Variants in ZNF174 observed in about 807,000 individuals in gnomAD.
ZNF174 encodes zinc finger protein 174.
Under a neutral mutation model 38.7 loss-of-function variants are expected in ZNF174, and 30 were observed. That is an observed-to-expected ratio of 0.78 (90% CI 0.58 to 1.05). The LOEUF (loss-of-function observed/expected upper bound fraction) is 1.05. ZNF174 is among the 50% of genes least tolerant of loss of function. The pLI is 0.00. For missense variants in ZNF174, 499 were observed against 495.6 expected, an observed-to-expected ratio of 1.01 and a Z score of -0.06; for synonymous variants, 201 against 181.7, an observed-to-expected ratio of 1.11 and a Z score of -0.86.
intron 2 of ZNF174, chr16:3,404,957 C>T (rs1439925569): frequency 6.2e-7 from 1 of 1,614,200 alleles, no homozygotes; most frequent in Admixed American, 1.7e-5. Flanking sequence ...GATGAACTTC[C>T]ATGCAAGCTA....
In ZNF174 at chr16:3,408,518, C is replaced by T; in HGVS notation, c.823C>T (p.His275Tyr). 1 of 1,614,166 alleles carries T rather than the reference C, an allele frequency of 6.2e-7. No individual in the cohort carries two copies. Among genetic ancestry groups the T allele is most frequent in the South Asian group, 1.1e-5 (1 of 91,078 alleles). ...SSPNAQKPFA[H>Y]YQRHCRVEYI... ...CCCAAATGCTCAAAAGCCATTTGCT[C>T]ACTACCAGAGACATTGCAGGGTGGA... The change falls in exon 3 of 3, where the codon CAC becomes TAC. Residue 275 changes from histidine (H) to tyrosine (Y), a missense_variant. Physicochemically the swap from His to Tyr is moderately conservative, Grantham distance 83 (BLOSUM62 2). Coordinates refer to ENST00000268655, the MANE Select transcript of ZNF174 (RefSeq NM_003450.3).
chr16:3,401,975 C>T lies in ZNF174; in HGVS notation c.-30C>T, dbSNP rs754780331. ...TGATCCCAAAGGCTTAACCCGTTTA[C>T]AAGGAGAGAGTTGTCTCCTGACGCC... On this transcript the variant is annotated 5_prime_UTR_variant, in exon 1 of 3. Coordinates refer to ENST00000268655, the MANE Select transcript of ZNF174 (RefSeq NM_003450.3). 6.2e-7 allele frequency: 1 copy of T among 1,603,940 alleles called. No individual in the cohort carries two copies. The highest frequency in any genetic ancestry group is 8.5e-7 in the Non-Finnish European group (1 of 1,177,796).
chr16:3,408,703 G>T lies in ZNF174; in HGVS notation c.1008G>T (p.Thr336=). 1 of 1,614,084 alleles carries T rather than the reference G, an allele frequency of 6.2e-7. No homozygotes were observed. Among genetic ancestry groups the T allele is most frequent in the Non-Finnish European group, 8.5e-7 (1 of 1,180,022 alleles). Reference sequence around the variant, plus strand: ...GTGATGACTGTGGGAAAAGCTTCACGTGGAATTCAGAGCTGAAGAGACACA... The same window carrying T: ...GTGATGACTGTGGGAAAAGCTTCACTTGGAATTCAGAGCTGAAGAGACACA... ...YKCDDCGKSF[T]WNSELKRHKR... is the part of the protein sequence containing the mutation. The change falls in exon 3 of 3, where the codon ACG becomes ACT. Residue 336 remains threonine, a synonymous_variant. Transcript: ENST00000268655.
At chr16:3,406,375 GT>G (rs1316505636) in intron 2 of ZNF174, among the ~76,000 whole-genome samples, 5 of 152,200 alleles carry the variant, frequency 3.3e-5, no homozygotes, top group African/African-American at 1.2e-4. Context: ...CTACCAGACT[GT>G]TTTCCAAAGC....
intron 1 of ZNF174, 141 bp downstream of exon 1, chr16:3,402,547 C>G (rs891047444): frequency 1.2e-6 from 1 of 851,016 alleles, no homozygotes; most frequent in African/African-American, 1.8e-5. Context: ...CAAGCTCCGC[C>G]TCCCGGGTTC....
At chr16:3,407,164 GC>G (rs1426227338) in intron 2 of ZNF174, among the ~76,000 whole-genome samples, 1 of 152,178 alleles carries the variant, frequency 6.6e-6, no homozygotes, top group African/African-American at 2.4e-5. Context: ...CATAAATGGT[GC>G]CTGCTATGAG....
At chr16:3,406,101 T>C (rs1336098709) in intron 2 of ZNF174, among the ~76,000 whole-genome samples, 2 of 152,268 alleles carry the variant, frequency 1.3e-5, no homozygotes, top group African/African-American at 4.8e-5. Context: ...TTATCCATGC[T>C]GTAGCATCAA....
At chr16:3,405,589 C>G (rs2034043942) in intron 2 of ZNF174, among the ~76,000 whole-genome samples, 1 of 152,224 alleles carries the variant, frequency 6.6e-6, no homozygotes, top group South Asian at 2.1e-4. Flanking sequence ...GCCCCATGTC[C>G]TAACACTATT....
chr16:3,404,968 T>C (rs1359180241), intron 2 of ZNF174: 5 of 1,614,086 alleles, frequency 3.1e-6, no homozygotes, highest in Non-Finnish European at 4.2e-6. Flanking sequence ...ATGCAAGCTA[T>C]GGCTGAGTTT....
At chr16:3,404,340 AG>A in intron 1 of ZNF174, 85 bp from the exon 2 acceptor site, 1 of 1,365,444 alleles carries the variant, frequency 7.3e-7, no homozygotes. Flanking sequence ...GCAATTCCCA[AG>A]GTAAACGGGT....
intron 2 of ZNF174, among the ~76,000 whole-genome samples, chr16:3,407,677 G>T (rs1304827713): frequency 6.6e-6 from 1 of 152,180 alleles, no homozygotes; most frequent in African/African-American, 2.4e-5. Flanking sequence ...TCCTTCTCCA[G>T]ATCCTGTGAT....
In ZNF174 at chr16:3,402,109, G is replaced by A; in HGVS notation, c.105G>A (p.Leu35=). ...AKLEEKRGPP[L]QKNCPDPELC... Reference sequence around the variant, plus strand: ...TAGAAGAGAAACGGGGCCCTCCTCTGCAAAAAAACTGCCCAGATCCTGAGC... The same window carrying A: ...TAGAAGAGAAACGGGGCCCTCCTCTACAAAAAAACTGCCCAGATCCTGAGC... Residue 35 remains leucine, a synonymous_variant, in exon 1 of 3, where the codon CTG becomes CTA. Coordinates refer to ENST00000268655, the MANE Select transcript of ZNF174 (RefSeq NM_003450.3). 1.9e-6 allele frequency: 3 copies of A among 1,614,150 alleles called. No homozygotes were observed. The highest frequency in any genetic ancestry group is 2.2e-5 in the South Asian group (2 of 91,086).
chr16:3,405,155 AT>A, intron 2 of ZNF174: 1 of 1,307,020 alleles, frequency 7.7e-7, no homozygotes, highest in South Asian at 1.7e-5. Context: ...CAGTCCTGTG[AT>A]CTCTAAGCCT....
chr16:3,405,503 C>T (rs181319211), intron 2 of ZNF174, among the ~76,000 whole-genome samples: 6,444 of 152,110 alleles, frequency 0.042, 178 homozygotes, highest in Middle Eastern at 0.068. Flanking sequence ...GACAGGCTCC[C>T]GTGGGGCTCT....
At position 3,404,487 on chromosome 16, in the gene ZNF174, A is replaced by G. The variant is rs2034021486; in HGVS notation, c.464A>G (p.Glu155Gly). Residue 155 changes from glutamate (E) to glycine (G), a missense_variant, in exon 2 of 3, where the codon GAA (glutamate) becomes GGA (glycine). Glu to Gly is a moderately conservative substitution (Grantham distance 98). Transcript: ENST00000268655. ...LLEKTGSQLG[E>G]QELPDFQPQT... ...GAGAAAACTGGATCTCAGCTTGGAG[A>G]ACAGGAACTGCCAGACTTTCAACCG... The G allele has an allele frequency of 1.2e-6, 2 of 1,612,850 alleles. No homozygotes were observed. Among genetic ancestry groups the G allele is most frequent in the Admixed American group, 1.7e-5 (1 of 59,966 alleles).
chr16:3,401,682 T>A lies in ZNF174; in HGVS notation c.-323T>A. On this transcript the variant is annotated 5_prime_UTR_variant, in exon 1 of 3. Transcript: ENST00000268655. ...CGGTTAGAGCGTATTGCTCATTAAA[T>A]CCGAGACCTGTGTGCTTGCTACTGA... 1 of 275,958 alleles carries A rather than the reference T, an allele frequency of 3.6e-6. No individual in the cohort carries two copies. The highest frequency in any genetic ancestry group is 3.6e-5 in the South Asian group (1 of 27,882). 17.1% of individuals were successfully genotyped at this position (275,958 alleles called of 1,614,324 possible).
rs2033931965 is a variant in ZNF174, at chr16:3,402,236, G to A, written c.232G>A (p.Glu78Lys). ...RQLCRQWLQP[E>K]LHTKEQILEL... ...GCTCTGCCGTCAGTGGTTGCAACCCGAGCTGCACACCAAGGAGCAGATTTT... is the reference window on the plus strand; with the variant it reads ...GCTCTGCCGTCAGTGGTTGCAACCCAAGCTGCACACCAAGGAGCAGATTTT... The change falls in exon 1 of 3, where the codon GAG becomes AAG. Residue 78 changes from glutamate to lysine, a missense_variant. Coordinates refer to ENST00000268655, the MANE Select transcript of ZNF174 (RefSeq NM_003450.3). The A allele has an allele frequency of 1.2e-6, 2 of 1,614,114 alleles. No individual in the cohort carries two copies. Among genetic ancestry groups the A allele is most frequent in the Non-Finnish European group, 1.7e-6 (2 of 1,180,018 alleles).
chr16:3,408,653 C>T lies in ZNF174; in HGVS notation c.958C>T (p.Arg320Cys), dbSNP rs756484475. The T allele has an allele frequency of 2.2e-5, 35 of 1,614,018 alleles. No homozygotes were observed. The highest frequency in any genetic ancestry group is 8.0e-5 in the African/African-American group (6 of 74,902). ...GCAACATCTTGGTCACCAGCCCACCCGCTCAGCAAAGAAACCCTACAAATG... is the reference window on the plus strand; with the variant it reads ...GCAACATCTTGGTCACCAGCCCACCTGCTCAGCAAAGAAACCCTACAAATG... Reference protein sequence around the residue: ...RLQHLGHQPTRSAKKPYKCDD... With the variant: ...RLQHLGHQPTCSAKKPYKCDD... The change falls in exon 3 of 3, where the codon CGC becomes TGC. Residue 320 changes from arginine to cysteine, a missense_variant. By Grantham distance (180) the Arg-to-Cys change is radical. Coordinates refer to ENST00000268655, the MANE Select transcript of ZNF174 (RefSeq NM_003450.3).
At chr16:3,402,543 C>A in intron 1 of ZNF174, 137 bp downstream of exon 1, 1 of 876,958 alleles carries the variant, frequency 1.1e-6, no homozygotes, top group Non-Finnish European at 1.7e-6. Flanking sequence ...ACTGCAAGCT[C>A]CGCCTCCCGG....
Sources: allele counts gnomAD v4.1 joint callset (sites outside exome capture counted in the v4.1 genomes callset), GRCh38; gene constraint gnomAD v4.1.1; transcripts MANE v1.5; gene names NCBI Gene and HGNC (gene_info 2026-07-23, HGNC 2026-07-21).